The following M1AP variants were observed in gnomAD, a reference collection of about 807,000 sequenced individuals.
M1AP encodes meiosis 1 associated protein.
In M1AP, 39 loss-of-function variants were observed where a neutral mutation model predicts 51.2. That is an observed-to-expected ratio of 0.76 (90% confidence interval 0.59 to 1.00). The LOEUF (loss-of-function observed/expected upper bound fraction) is 1.00, where lower values mean the gene tolerates loss of function less well. Among genes scored for constraint, M1AP ranks in the 50% least tolerant of loss-of-function variants. The probability of loss-of-function intolerance (pLI) is 0.00; values close to 1 mark genes in which losing one functional copy is unlikely to be tolerated. For missense variants in M1AP, 545 were observed against 641.2 expected (o/e 0.85, Z 1.62); for synonymous variants, 251 against 249.2 (o/e 1.01, Z -0.07).
In M1AP at chr2:74,607,186, A is replaced by ACC; in HGVS notation, c.462_463dup (p.Val155GlyfsTer9). ...TTTCAACCCTTCCTCCAACTGTTTGACCACCTCTTTTCCAGGCTGAGAAGT... is the reference window on the plus strand; with the variant it reads ...TTTCAACCCTTCCTCCAACTGTTTGACCCCACCTCTTTTCCAGGCTGAGAAGT... On this transcript the variant is annotated frameshift_variant, in exon 4 of 11. Coordinates refer to ENST00000421985, the MANE Select transcript of M1AP (RefSeq NM_001321739.2). LOFTEE classifies it high-confidence loss of function. The ACC allele has an allele frequency of 6.2e-7, 1 of 1,614,052 alleles. No individual in the cohort carries two copies. Among genetic ancestry groups the ACC allele is most frequent in the African/African-American group, 1.3e-5 (1 of 75,016 alleles).
At chr2:74,630,982 A>T (rs1374242215) in intron 2 of M1AP, among the ~76,000 whole-genome samples, 1 of 152,188 alleles carries the variant, frequency 6.6e-6, no homozygotes, top group Non-Finnish European at 1.5e-5. Flanking sequence ...ATTTTGCTTC[A>T]AATTCAACCT....
chr2:74,629,627 C>G (rs1432575487), intron 2 of M1AP, among the ~76,000 whole-genome samples: 2 of 151,964 alleles, frequency 1.3e-5, no homozygotes, highest in African/African-American at 4.8e-5. Flanking sequence ...TGGCGGGCAC[C>G]TGTAATCCCA....
chr2:74,575,098 C>T (rs1453463810), intron 7 of M1AP, among the ~76,000 whole-genome samples: 1 of 152,162 alleles, frequency 6.6e-6, no homozygotes, highest in Non-Finnish European at 1.5e-5. Context: ...AAATGCTCTT[C>T]ATTTAAATGA....
At chr2:74,569,220 A>C (rs916821070) in intron 7 of M1AP, among the ~76,000 whole-genome samples, 2 of 152,214 alleles carry the variant, frequency 1.3e-5, no homozygotes, top group Non-Finnish European at 2.9e-5. Flanking sequence ...ACCAACCACT[A>C]TGTGGAAATC....
chr2:74,647,444 G>A, intron 1 of M1AP: 1 of 971,400 alleles, frequency 1.0e-6, no homozygotes, highest in African/African-American at 1.8e-5. Flanking sequence ...GGGCCCTAAG[G>A]CACTTTCGTC....
intron 7 of M1AP, among the ~76,000 whole-genome samples, chr2:74,568,045 G>A (rs1188059871): frequency 1.3e-5 from 2 of 152,166 alleles, no homozygotes; most frequent in African/African-American, 2.4e-5. Context: ...ATTTATAGTC[G>A]ACGAGGACTG....
chr2:74,572,679 C>A (rs1178637837), intron 7 of M1AP, among the ~76,000 whole-genome samples: 2 of 152,178 alleles, frequency 1.3e-5, no homozygotes, highest in Non-Finnish European at 2.9e-5. Context: ...TCTTTTTAGG[C>A]CTCAGCCTCC....
chr2:74,618,305 C>T (rs1047441555), intron 2 of M1AP, among the ~76,000 whole-genome samples: 39 of 152,218 alleles, frequency 2.6e-4, no homozygotes, highest in African/African-American at 9.4e-4. Flanking sequence ...CAAGAGTGCT[C>T]AGCGTGCAGG....
intron 5 of M1AP, among the ~76,000 whole-genome samples, chr2:74,579,261 A>G (rs2104580731): frequency 6.6e-6 from 1 of 152,382 alleles, no homozygotes; most frequent in South Asian, 2.1e-4. Flanking sequence ...AAGGCTGGTT[A>G]CAGGAGTTCC....
chr2:74,634,707 C>T (rs1317726076), intron 2 of M1AP, among the ~76,000 whole-genome samples: 5 of 152,088 alleles, frequency 3.3e-5, no homozygotes, highest in East Asian at 1.9e-4. Flanking sequence ...CATGAGTGGA[C>T]GTTGAACTTT....
intron 7 of M1AP, 43 bp downstream of exon 7, chr2:74,575,395 T>C: frequency 1.2e-6 from 2 of 1,612,056 alleles, no homozygotes; most frequent in Non-Finnish European, 1.7e-6. Context: ...GTTGGTACTT[T>C]AAAAACGATT....
intron 4 of M1AP, among the ~76,000 whole-genome samples, chr2:74,584,145 TA>T (rs1182494131): frequency 6.6e-6 from 1 of 152,178 alleles, no homozygotes; most frequent in African/African-American, 2.4e-5. Flanking sequence ...AAATATCTTT[TA>T]AAAAAATAAT....
intron 3 of M1AP, among the ~76,000 whole-genome samples, 195 bp downstream of exon 3, chr2:74,614,769 A>G (rs1681565783): frequency 6.6e-6 from 1 of 152,234 alleles, no homozygotes; most frequent in Admixed American, 6.5e-5. Context: ...CTCTATAACT[A>G]TCTCTACATT....
chr2:74,594,783 G>C (rs1344048197), intron 4 of M1AP, among the ~76,000 whole-genome samples: 1 of 152,066 alleles, frequency 6.6e-6, no homozygotes. Context: ...AGACGAAAGT[G>C]GGAGGATCAT....
At position 74,589,986 on chromosome 2, in the gene M1AP, T is replaced by G. The variant is rs181299008; in HGVS notation, c.596-8139A>C. Among the ~76,000 whole-genome samples, 199 of 152,318 alleles carry G rather than the reference T, an allele frequency of 1.3e-3. 1 individual carries two copies. The highest frequency in any genetic ancestry group is 4.6e-3 in the African/African-American group (191 of 41,560). On this transcript the variant is annotated intron_variant, in intron 4 of 10. Coordinates refer to ENST00000421985, the MANE Select transcript of M1AP (RefSeq NM_001321739.2). ...GCTTAAAAACAAATCTTATAATGTTTTAAGAAAGTTTACGAATTTTTGTTG... is the reference window on the plus strand; with the variant it reads ...GCTTAAAAACAAATCTTATAATGTTGTAAGAAAGTTTACGAATTTTTGTTG...
intron 4 of M1AP, among the ~76,000 whole-genome samples, chr2:74,603,631 CTA>C (rs1680799751): frequency 6.6e-6 from 1 of 152,132 alleles, no homozygotes; most frequent in African/African-American, 2.4e-5. Flanking sequence ...GAAAAGACTG[CTA>C]TGAGTACAGG....
At position 74,558,708 on chromosome 2, in the gene M1AP, C is replaced by G; in HGVS notation, c.*8G>C. The G allele has an allele frequency of 6.2e-7, 1 of 1,611,398 alleles. No individual in the cohort carries two copies. Among genetic ancestry groups the G allele is most frequent in the Non-Finnish European group, 8.5e-7 (1 of 1,178,928 alleles). On this transcript the variant is annotated 3_prime_UTR_variant, in exon 11 of 11. Coordinates refer to ENST00000421985, the MANE Select transcript of M1AP (RefSeq NM_001321739.2). ...TAAGCTGGGCAGCTGGGCTCTGGTG[C>G]TGGTGACTTAGGGCCTTGAGGGATC...
At chr2:74,641,353 G>T (rs990252143) in intron 1 of M1AP, among the ~76,000 whole-genome samples, 3 of 152,114 alleles carry the variant, frequency 2.0e-5, no homozygotes, top group African/African-American at 7.2e-5. Context: ...GAACAATTGA[G>T]AACAAAGAAC....
intron 3 of M1AP, among the ~76,000 whole-genome samples, chr2:74,614,405 A>T (rs548744039): frequency 1.3e-5 from 2 of 152,272 alleles, no homozygotes; most frequent in South Asian, 4.1e-4. Flanking sequence ...TGTCTGTTTG[A>T]TCCCTGAGGT....
Sources: gnomAD v4.1 joint callset for allele counts (sites outside exome capture counted in the v4.1 genomes callset) on GRCh38, gnomAD v4.1.1 for gene constraint, MANE v1.5 for transcripts, NCBI Gene and HGNC (gene_info 2026-07-23, HGNC 2026-07-21) for gene names.